Variants in STK32B observed in about 807,000 individuals in gnomAD.
STK32B encodes serine/threonine-protein kinase 32B.
STK32B carries 43 observed loss-of-function variants against 52.6 expected under a neutral mutation model. That is an observed-to-expected ratio of 0.82 (90% confidence interval 0.64 to 1.05). STK32B has a LOEUF of 1.05. Among genes scored for constraint, STK32B ranks in the 50% least tolerant of loss-of-function variants. STK32B has a pLI of 0.00. For missense variants in STK32B, 621 were observed against 534.6 expected, an observed-to-expected ratio of 1.16 and a Z score of -1.59; for synonymous variants, 238 against 204.3, an observed-to-expected ratio of 1.17 and a Z score of -1.41.
intron 3 of STK32B, among the ~76,000 whole-genome samples, chr4:5,326,756 AGAGTG>A (rs1319621275): frequency 6.6e-6 from 1 of 152,194 alleles, no homozygotes. Flanking sequence ...CTTACTGATC[AGAGTG>A]GTGGTTGCTG....
At chr4:5,222,192 T>C (rs1187986738) in intron 3 of STK32B, among the ~76,000 whole-genome samples, 2 of 152,086 alleles carry the variant, frequency 1.3e-5, no homozygotes, top group East Asian at 3.9e-4. Flanking sequence ...CCACCAAGGC[T>C]CAGATATTTT....
intron 4 of STK32B, among the ~76,000 whole-genome samples, chr4:5,348,782 G>C (rs1733638620): frequency 6.6e-6 from 1 of 152,142 alleles, no homozygotes; most frequent in African/African-American, 2.4e-5. Flanking sequence ...GGGGGCCTGA[G>C]GACAGTTTTG....
intron 4 of STK32B, among the ~76,000 whole-genome samples, chr4:5,367,793 G>A (rs1338461338): frequency 6.6e-6 from 1 of 152,160 alleles, no homozygotes; most frequent in Non-Finnish European, 1.5e-5. Context: ...GGACAGCAGA[G>A]CCCATCTTGG....
At chr4:5,416,360 G>T (rs139824230) in intron 5 of STK32B, among the ~76,000 whole-genome samples, 3 of 152,216 alleles carry the variant, frequency 2.0e-5, no homozygotes, top group African/African-American at 7.2e-5. Context: ...ATGGAAGGTG[G>T]TCTCAACACC....
Position 5,398,274 on chromosome 4 carries a change from C to G in STK32B, c.472+30C>G. 5.0e-6 allele frequency: 8 copies of G among 1,613,328 alleles called. No homozygotes were observed. The highest frequency in any genetic ancestry group is 5.9e-6 in the Non-Finnish European group (7 of 1,179,606). On this transcript the variant is annotated intron_variant, in intron 5 of 11. Transcript: ENST00000282908. This position sits in a 1 kb window ranked among gnomAD's most constrained non-coding sequence, Gnocchi z 4.9. ...GCCTGCTACTAATCCTTTACAGGGA[C>G]TCTCAGTGGAAAGTTTGAGGCACTG...
chr4:5,320,368 G>C (rs555044422), intron 3 of STK32B, among the ~76,000 whole-genome samples: 2 of 152,262 alleles, frequency 1.3e-5, no homozygotes, highest in African/African-American at 4.8e-5. Context: ...TACTAAGGCT[G>C]CATGGACTGT....
chr4:5,390,312 A>T (rs1039019445), intron 4 of STK32B, among the ~76,000 whole-genome samples: 1 of 152,134 alleles, frequency 6.6e-6, no homozygotes, highest in Non-Finnish European at 1.5e-5. Context: ...CCCAGTTATA[A>T]TGGGCGTTTG....
At chr4:5,050,570 C>G (rs1741726041), upstream of STK32B, among the ~76,000 whole-genome samples, 1 of 152,122 alleles carries the variant, frequency 6.6e-6, no homozygotes, top group Non-Finnish European at 1.5e-5. Flanking sequence ...TCACAAAGAA[C>G]CCCTGCTTTC....
At chr4:5,071,573 A>T (rs1670588168) in intron 1 of STK32B, among the ~76,000 whole-genome samples, 1 of 152,190 alleles carries the variant, frequency 6.6e-6, no homozygotes, top group African/African-American at 2.4e-5. Flanking sequence ...TCGAAAAGTC[A>T]TTGCATGTCA....
At chr4:5,257,942 C>T (rs1474653937) in intron 3 of STK32B, among the ~76,000 whole-genome samples, 1 of 151,524 alleles carries the variant, frequency 6.6e-6, no homozygotes, top group Non-Finnish European at 1.5e-5. Flanking sequence ...GACTCCATCT[C>T]AAAAAAGAAA....
At chr4:5,446,482 C>G (rs528831430) in intron 6 of STK32B, among the ~76,000 whole-genome samples, 191 bp from the exon 7 acceptor site, 13 of 151,182 alleles carry the variant, frequency 8.6e-5, no homozygotes, top group Admixed American at 3.3e-4. Flanking sequence ...AGGAGAATCG[C>G]TTGAACTAAG....
intron 3 of STK32B, among the ~76,000 whole-genome samples, chr4:5,205,859 C>T (rs1722543747): frequency 6.6e-6 from 1 of 152,134 alleles, no homozygotes; most frequent in Non-Finnish European, 1.5e-5. Flanking sequence ...CATCTCCCAT[C>T]CTCCTTGCAT....
chr4:5,071,283 A>G (rs1404710806), intron 1 of STK32B, among the ~76,000 whole-genome samples: 1 of 152,178 alleles, frequency 6.6e-6, no homozygotes, highest in Non-Finnish European at 1.5e-5. Flanking sequence ...AAATGCCCAT[A>G]CTATTGGCTA....
intron 3 of STK32B, among the ~76,000 whole-genome samples, chr4:5,260,341 G>A (rs1307808042): frequency 6.6e-6 from 1 of 152,150 alleles, no homozygotes. Flanking sequence ...CAAGACCCCA[G>A]CTGAGCGCTG....
At chr4:5,411,482 A>G (rs1189503817) in intron 5 of STK32B, among the ~76,000 whole-genome samples, 1 of 152,258 alleles carries the variant, frequency 6.6e-6, no homozygotes, top group Non-Finnish European at 1.5e-5. Flanking sequence ...AACAATATAT[A>G]CAACTAAAAA....
intron 1 of STK32B, among the ~76,000 whole-genome samples, chr4:5,138,002 G>A (rs1000918858): frequency 2.0e-5 from 3 of 152,160 alleles, no homozygotes; most frequent in African/African-American, 4.8e-5. Context: ...GGAGTTTCTC[G>A]ACAGGACATG....
At chr4:5,322,267 C>T (rs1478932274) in intron 3 of STK32B, among the ~76,000 whole-genome samples, 1 of 152,172 alleles carries the variant, frequency 6.6e-6, no homozygotes, top group Non-Finnish European at 1.5e-5. Context: ...ACAATATGAG[C>T]TGTCAGAAGG....
intron 2 of STK32B, among the ~76,000 whole-genome samples, chr4:5,163,247 C>T (rs1481656474): frequency 6.6e-6 from 1 of 152,046 alleles, no homozygotes; most frequent in Non-Finnish European, 1.5e-5. Flanking sequence ...ATGTGTGAGC[C>T]CCTGAACAGG....
chr4:5,237,239 A>T (rs963092401), intron 3 of STK32B, among the ~76,000 whole-genome samples: 2 of 152,202 alleles, frequency 1.3e-5, no homozygotes, highest in Non-Finnish European at 2.9e-5. Flanking sequence ...GGGAGGCACC[A>T]TCTGATTGGC....
Sources: allele counts gnomAD v4.1 joint callset (sites outside exome capture counted in the v4.1 genomes callset), GRCh38; gene constraint gnomAD v4.1.1; non-coding constraint Gnocchi (gnomAD v3.1); transcripts MANE v1.5; gene names NCBI Gene and HGNC (gene_info 2026-07-23, HGNC 2026-07-21).